TMEFF2: variants seen among roughly 807,000 people sequenced by gnomAD.
TMEFF2 encodes the protein transmembrane protein with EGF like and two follistatin like domains 2.
Under a neutral mutation model 53.8 loss-of-function variants are expected in TMEFF2, and 28 were observed. The observed-to-expected ratio is 0.52, with a 90% confidence interval of 0.39 to 0.71. TMEFF2 has a LOEUF of 0.71. Among genes scored for constraint, TMEFF2 ranks in the 30% least tolerant of loss-of-function variants. The probability of loss-of-function intolerance (pLI) is 0.00; values close to 1 mark genes in which losing one functional copy is unlikely to be tolerated. For missense variants in TMEFF2, 353 were observed against 455.2 expected, an observed-to-expected ratio of 0.78 and a Z score of 2.04; for synonymous variants, 162 against 166.3, an observed-to-expected ratio of 0.97 and a Z score of 0.20.
rs1366491589 is a variant in TMEFF2 at position 191,963,777 on chromosome 2, T to G, written c.746-7399A>C. ...TCGCTCAGTGATTTTGCTTATTATC[T>G]TCTAAAGACAATCAAGAAAACTGAT... On this transcript the variant is annotated intron_variant, in intron 7 of 9. Transcript: ENST00000272771. Among the ~76,000 whole-genome samples the G allele has an allele frequency of 5.3e-5, 8 of 152,190 alleles. No individual in the cohort carries two copies. In the East Asian group the frequency reaches 1.5e-3, roughly 29 times the overall value.
chr2:192,108,701 T>C (rs901870760), intron 4 of TMEFF2, among the ~76,000 whole-genome samples: 1 of 152,020 alleles, frequency 6.6e-6, no homozygotes, highest in Admixed American at 6.6e-5. Context: ...CCTTGGTGTA[T>C]ACTAAAAATA....
intron 5 of TMEFF2, among the ~76,000 whole-genome samples, chr2:192,029,952 A>C (rs2105870972): frequency 6.6e-6 from 1 of 152,354 alleles, no homozygotes; most frequent in East Asian, 1.9e-4. Flanking sequence ...GTTGAAGAGC[A>C]CATATCAAGT....
chr2:192,049,137 T>C (rs900737892), intron 5 of TMEFF2, among the ~76,000 whole-genome samples: 2 of 131,440 alleles, frequency 1.5e-5, no homozygotes, highest in Non-Finnish European at 3.3e-5. Context: ...ATATATAAGA[T>C]AGATACATTT....
At chr2:192,066,029 T>C (rs1237639577) in intron 4 of TMEFF2, among the ~76,000 whole-genome samples, 1 of 151,742 alleles carries the variant, frequency 6.6e-6, no homozygotes, top group East Asian at 1.9e-4. Context: ...GCTGTAGTCA[T>C]ATTTTCTTTA....
intron 4 of TMEFF2, among the ~76,000 whole-genome samples, chr2:192,096,033 G>A (rs1324907658): frequency 1.3e-5 from 2 of 152,152 alleles, no homozygotes; most frequent in Non-Finnish European, 2.9e-5. Context: ...TTTTCATAAT[G>A]AGAAGTGGTA....
At chr2:192,006,541 T>C (rs1686506470) in intron 5 of TMEFF2, among the ~76,000 whole-genome samples, 1 of 152,178 alleles carries the variant, frequency 6.6e-6, no homozygotes, top group Non-Finnish European at 1.5e-5. Context: ...ATGAGGCTTA[T>C]TTACTAGCTG....
rs555440361 is a variant in TMEFF2 at position 192,108,355 on chromosome 2, A to C, written c.440-50580T>G. Among the ~76,000 whole-genome samples, 4 of 152,046 alleles carry C rather than the reference A, an allele frequency of 2.6e-5. No homozygotes were observed. In the South Asian group the frequency reaches 8.3e-4, roughly 31 times the overall value. ...TATTAGTGTAATCCACATGTATGAAAGACAGGGCATTATTTAAATGTAATC... is the reference window on the plus strand; with the variant it reads ...TATTAGTGTAATCCACATGTATGAACGACAGGGCATTATTTAAATGTAATC... On this transcript the variant is annotated intron_variant, in intron 4 of 9. Coordinates refer to ENST00000272771, the MANE Select transcript of TMEFF2 (RefSeq NM_016192.4).
intron 5 of TMEFF2, among the ~76,000 whole-genome samples, chr2:192,001,360 ATTT>A (rs906076381): frequency 1.1e-4 from 16 of 152,106 alleles, no homozygotes; most frequent in African/African-American, 3.4e-4. Flanking sequence ...TATATTTTAC[ATTT>A]TTATTAATAT....
At chr2:192,151,864 G>T (rs866230722) in intron 4 of TMEFF2, among the ~76,000 whole-genome samples, 19 of 151,830 alleles carry the variant, frequency 1.3e-4, no homozygotes, top group African/African-American at 4.6e-4. Flanking sequence ...TAGTGGGCAT[G>T]CACCTGGCTA....
In TMEFF2 at chr2:191,997,225, T is replaced by C. The variant is rs139198820; in HGVS notation, c.745+1037A>G. Among the ~76,000 whole-genome samples the C allele has an allele frequency of 3.2e-3, 487 of 152,024 alleles. 1 individual carries two copies. The highest frequency in any genetic ancestry group is 5.4e-3 in the Non-Finnish European group (366 of 67,864). On this transcript the variant is annotated intron_variant, in intron 7 of 9. Transcript: ENST00000272771. The stretch of plus-strand genomic sequence containing the variant: ...ATGATAATTTCTGTCTTATAGCACA[T>C]AAAAAATCCATCTACATATTGAAAA...
intron 4 of TMEFF2, among the ~76,000 whole-genome samples, chr2:192,078,258 C>G (rs925216145): frequency 1.3e-5 from 2 of 152,042 alleles, no homozygotes; most frequent in African/African-American, 4.8e-5. Flanking sequence ...ATGAGGGTAA[C>G]AGTACTGATT....
At chr2:192,079,234 A>G (rs537336706) in intron 4 of TMEFF2, among the ~76,000 whole-genome samples, 380 of 152,290 alleles carry the variant, frequency 2.5e-3, no homozygotes, top group Non-Finnish European at 4.4e-3. Flanking sequence ...TGCTCTGCAG[A>G]TGTACACTGG....
chr2:192,046,324 G>A (rs7599042), intron 5 of TMEFF2, among the ~76,000 whole-genome samples: 112,359 of 152,020 alleles, frequency 0.74, 43,614 homozygotes, highest in Middle Eastern at 0.87. Flanking sequence ...AGATCATGCC[G>A]CTGCACTTCA....
intron 5 of TMEFF2, among the ~76,000 whole-genome samples, chr2:192,039,546 A>ATTTTTCT: frequency 6.6e-6 from 1 of 152,248 alleles, no homozygotes; most frequent in Admixed American, 6.5e-5. Context: ...TATTCTTAGT[A>ATTTTTCT]GTAAAATAAA....
In TMEFF2 at chr2:192,057,733, G is replaced by A. The variant is rs751243020; in HGVS notation, c.482C>T (p.Thr161Ile). 7.4e-6 allele frequency: 12 copies of A among 1,614,036 alleles called. No individual in the cohort carries two copies. The highest frequency in any genetic ancestry group is 3.3e-5 in the South Asian group (3 of 91,084). The change falls in exon 5 of 10, where the codon ACC (threonine) becomes ATC (isoleucine). Residue 161 changes from threonine to isoleucine, a missense_variant. Around this residue, in one of 3 missense-constraint regions of TMEFF2, gnomAD observed 294 missense variants for 397.3 expected, o/e 0.74. Coordinates refer to ENST00000272771, the MANE Select transcript of TMEFF2 (RefSeq NM_016192.4). ...TGCACCAAACTGGCAAATATCACAG[G>A]TGGATGTCTCCTTTTGACTAGTTTC... ...SGETSQKETSTCDICQFGAEC... is the reference protein window; with the variant it reads ...SGETSQKETSICDICQFGAEC...
At chr2:192,159,253 A>G (rs1690578939) in intron 4 of TMEFF2, among the ~76,000 whole-genome samples, 1 of 152,154 alleles carries the variant, frequency 6.6e-6, no homozygotes, top group Non-Finnish European at 1.5e-5. Flanking sequence ...TACAAGAAGG[A>G]ACAGAGAGGA....
chr2:192,075,312 T>TATATATATAAATATAA (rs1688399661), intron 4 of TMEFF2, among the ~76,000 whole-genome samples: 14 of 105,770 alleles, frequency 1.3e-4, no homozygotes, highest in Non-Finnish European at 2.2e-4. Flanking sequence ...TATATATATA[T>TATATATATAAATATAA]ATATATATAT....
chr2:192,045,586 GC>G (rs1235049011), intron 5 of TMEFF2, among the ~76,000 whole-genome samples: 1 of 152,168 alleles, frequency 6.6e-6, no homozygotes, highest in Non-Finnish European at 1.5e-5. Context: ...CCTGTTCATT[GC>G]CCAATGGGCT....
At chr2:191,955,524 A>ATTTTTTTTTCTTTTTTTTTTTTTTT (rs1692049408) in intron 8 of TMEFF2, among the ~76,000 whole-genome samples, 1 of 60,304 alleles carries the variant, frequency 1.7e-5, no homozygotes, top group Non-Finnish European at 2.9e-5. Flanking sequence ...CTAATTCTTA[A>ATTTTTTTTTCTTTTTTTTTTTTTTT]TTTTTTTTTT....
Sources: allele counts gnomAD v4.1 joint callset (sites outside exome capture counted in the v4.1 genomes callset), GRCh38; gene constraint gnomAD v4.1.1; regional missense constraint gnomAD v4.1.1; transcripts MANE v1.5; gene names NCBI Gene and HGNC (gene_info 2026-07-23, HGNC 2026-07-21).